Variants in TIAM1 observed in about 807,000 individuals in gnomAD.
The protein encoded by TIAM1 is rho guanine nucleotide exchange factor TIAM1.
In TIAM1, 65 loss-of-function variants were observed where a neutral mutation model predicts 163.5. The observed-to-expected ratio is 0.40, with a 90% CI of 0.33 to 0.49. The LOEUF (loss-of-function observed/expected upper bound fraction) is 0.49, where lower values mean the gene tolerates loss of function less well. Among genes scored for constraint, TIAM1 ranks in the 20% least tolerant of loss-of-function variants. The pLI is 0.77. For missense variants in TIAM1, 1,789 were observed against 2,044.7 expected (o/e 0.87, Z 2.41); for synonymous variants, 833 against 810.1 (o/e 1.03, Z -0.48).
At chr21:31,454,697 G>A (rs1010248471) in intron 2 of TIAM1, among the ~76,000 whole-genome samples, 6 of 152,224 alleles carry the variant, frequency 3.9e-5, no homozygotes, top group Non-Finnish European at 5.9e-5. Context: ...GTAAAGATAT[G>A]AAGGATAATG....
chr21:31,194,818 G>A (rs1048236156), intron 13 of TIAM1, among the ~76,000 whole-genome samples: 1 of 152,058 alleles, frequency 6.6e-6, no homozygotes, highest in East Asian at 1.9e-4. Context: ...TTTCCTTGTC[G>A]CCAACTTACA....
intron 2 of TIAM1, among the ~76,000 whole-genome samples, chr21:31,444,907 A>C (rs570983921): frequency 8.3e-4 from 127 of 152,332 alleles, no homozygotes; most frequent in African/African-American, 3.0e-3. Flanking sequence ...CTGAGGCAGG[A>C]GAACTGCTTG....
chr21:31,167,037 C>T (rs2084258167), intron 15 of TIAM1, among the ~76,000 whole-genome samples: 1 of 151,828 alleles, frequency 6.6e-6, no homozygotes, highest in East Asian at 1.9e-4. Flanking sequence ...CTCACAATGC[C>T]TAGGATAGCT....
At chr21:31,554,727 G>A (rs2048814896) in intron 1 of TIAM1, among the ~76,000 whole-genome samples, 1 of 152,000 alleles carries the variant, frequency 6.6e-6, no homozygotes. Flanking sequence ...CTCCACCTCT[G>A]CAATCCTTTC....
intron 2 of TIAM1, among the ~76,000 whole-genome samples, chr21:31,382,302 T>G (rs2076791957): frequency 6.6e-6 from 1 of 152,102 alleles, no homozygotes; most frequent in African/African-American, 2.4e-5. Flanking sequence ...TTGGCTAAAA[T>G]CATAGGTGAC....
At chr21:31,140,870 A>G (rs1463971555) in intron 22 of TIAM1, among the ~76,000 whole-genome samples, 2 of 152,212 alleles carry the variant, frequency 1.3e-5, no homozygotes, top group African/African-American at 4.8e-5. Flanking sequence ...CACAGAATAA[A>G]GCCAGAGATC....
chr21:31,154,281 C>T lies in TIAM1; in HGVS notation c.3137G>A (p.Cys1046Tyr), dbSNP rs751319289. The T allele has an allele frequency of 2.5e-6, 4 of 1,613,956 alleles. No homozygotes were observed. The highest frequency in any genetic ancestry group is 3.3e-5 in the Admixed American group (2 of 59,992). Residue 1046 changes from cysteine (C) to tyrosine (Y), a missense_variant, in exon 17 of 28, where the codon TGC becomes TAC. Around this residue, in one of 5 missense-constraint regions of TIAM1, gnomAD observed 303 missense variants for 321.3 expected, o/e 0.94. Transcript: ENST00000541036. ...GGTGCGCTCCGTCTCCAGGAGCTCG[C>T]AGATCACCTTGCGCAGCTTATCTGC... is the stretch of plus-strand genomic sequence containing the variant. The part of the protein sequence containing the change: ...SDADKLRKVI[C>Y]ELLETERTYV...
chr21:31,152,578 G>A, intron 19 of TIAM1, 58 bp downstream of exon 19: 2 of 1,600,404 alleles, frequency 1.2e-6, no homozygotes, highest in Non-Finnish European at 1.7e-6. Flanking sequence ...CACGATCAGG[G>A]GATTCAACTT....
intron 2 of TIAM1, among the ~76,000 whole-genome samples, chr21:31,417,578 G>A (rs980459760): frequency 2.6e-5 from 4 of 152,098 alleles, no homozygotes; most frequent in Admixed American, 6.6e-5. Flanking sequence ...CCCACAATAC[G>A]TGAGAATTAT....
intron 2 of TIAM1, among the ~76,000 whole-genome samples, chr21:31,432,577 G>C (rs112015172): frequency 2.0e-5 from 3 of 152,216 alleles, no homozygotes; most frequent in African/African-American, 7.2e-5. Flanking sequence ...AAAGCCATAG[G>C]AATGCAGAGA....
intron 13 of TIAM1, among the ~76,000 whole-genome samples, chr21:31,190,383 G>T (rs1227521283): frequency 6.6e-6 from 1 of 152,140 alleles, no homozygotes; most frequent in African/African-American, 2.4e-5. Context: ...CTGCATTCCA[G>T]CCTGGGCGAC....
intron 11 of TIAM1, among the ~76,000 whole-genome samples, chr21:31,208,388 T>C (rs1029152784): frequency 6.6e-6 from 1 of 152,226 alleles, no homozygotes; most frequent in Non-Finnish European, 1.5e-5. Context: ...TTTAACACCT[T>C]CATCTGCAGA....
chr21:31,395,833 C>T lies in TIAM1; in HGVS notation c.-368-56411G>A, dbSNP rs1231405026. On this transcript the variant is annotated intron_variant, in intron 2 of 28. Coordinates refer to the TIAM1 transcript ENST00000286827. The surrounding 1 kb of genome is among the most constrained non-coding windows in gnomAD (Gnocchi z 7.5). ...AAAATCTATCCTAATTAGGAAACAACATGTACATGCCTGAAACAGCAGGCC... is the reference window on the plus strand; with the variant it reads ...AAAATCTATCCTAATTAGGAAACAATATGTACATGCCTGAAACAGCAGGCC... 6.6e-6 allele frequency among the ~76,000 whole-genome samples: 1 copy of T among 152,118 alleles called. No individual in the cohort carries two copies. The highest frequency in any genetic ancestry group is 1.9e-4 in the East Asian group (1 of 5,188).
chr21:31,267,897 C>T (rs2072873742), intron 3 of TIAM1, among the ~76,000 whole-genome samples: 1 of 152,104 alleles, frequency 6.6e-6, no homozygotes, highest in African/African-American at 2.4e-5. Context: ...CTTCTGGGGC[C>T]CCCCAGGTTA....
At chr21:31,300,535 C>A (rs191053726) in intron 2 of TIAM1, among the ~76,000 whole-genome samples, 1 of 152,202 alleles carries the variant, frequency 6.6e-6, no homozygotes, top group Non-Finnish European at 1.5e-5. Flanking sequence ...GCATCCTGAA[C>A]CCCTCGTCAA....
chr21:31,200,743 C>T (rs546849602), intron 12 of TIAM1, among the ~76,000 whole-genome samples: 5 of 152,184 alleles, frequency 3.3e-5, no homozygotes, highest in East Asian at 1.9e-4. Flanking sequence ...CTATTTTACG[C>T]GATTGAAAAT....
At chr21:31,180,562 C>G (rs936614579) in intron 15 of TIAM1, among the ~76,000 whole-genome samples, 3 of 151,594 alleles carry the variant, frequency 2.0e-5, no homozygotes, top group Non-Finnish European at 4.4e-5. Context: ...AGGGCTCAGA[C>G]AGAAGAAAAA....
At chr21:31,145,235 C>T (rs895355256) in intron 20 of TIAM1, among the ~76,000 whole-genome samples, 1 of 152,184 alleles carries the variant, frequency 6.6e-6, no homozygotes, top group African/African-American at 2.4e-5. Flanking sequence ...CCACCACTAC[C>T]GTTAAGACTG....
chr21:31,554,699 G>A (rs773152343), intron 1 of TIAM1, among the ~76,000 whole-genome samples: 2 of 152,116 alleles, frequency 1.3e-5, no homozygotes, highest in Admixed American at 6.6e-5. Context: ...GATCATGCCT[G>A]CGTAGTACCC....
Sources: gnomAD v4.1 joint callset for allele counts (sites outside exome capture counted in the v4.1 genomes callset) on GRCh38, gnomAD v4.1.1 for gene constraint, gnomAD v4.1.1 regional missense constraint, Gnocchi (gnomAD v3.1) non-coding constraint, MANE v1.5 for transcripts, NCBI Gene and HGNC (gene_info 2026-07-23, HGNC 2026-07-21) for gene names.